MAP3K5: variants seen among roughly 807,000 people sequenced by gnomAD.
MAP3K5 encodes the protein ASK-1.
Under a neutral mutation model 158.7 loss-of-function variants are expected in MAP3K5, and 56 were observed. The observed-to-expected ratio is 0.35, with a 90% CI of 0.28 to 0.44. The LOEUF is 0.44. Ranked by LOEUF, MAP3K5 falls within the 20% of genes least tolerant of loss-of-function variation. The probability of loss-of-function intolerance (pLI) is 1.00; values close to 1 mark genes in which losing one functional copy is unlikely to be tolerated. For missense variants in MAP3K5, 1,294 were observed against 1,674.8 expected (o/e 0.77, Z 3.97); for synonymous variants, 579 against 601.7 (o/e 0.96, Z 0.55).
intron 1 of MAP3K5, among the ~76,000 whole-genome samples, chr6:136,784,563 T>C (rs1188211328): frequency 1.3e-5 from 2 of 152,086 alleles, no homozygotes; most frequent in African/African-American, 4.8e-5. Flanking sequence ...AGTTTTCCCT[T>C]ATGAGTTTAT....
intron 7 of MAP3K5, among the ~76,000 whole-genome samples, chr6:136,675,848 T>A (rs1316526316): frequency 6.6e-6 from 1 of 152,110 alleles, no homozygotes; most frequent in Non-Finnish European, 1.5e-5. Context: ...ATAAAGTTGA[T>A]AAACTCCTAG....
At chr6:136,632,730 G>A (rs1777432926) in intron 14 of MAP3K5, among the ~76,000 whole-genome samples, 1 of 152,030 alleles carries the variant, frequency 6.6e-6, no homozygotes, top group Admixed American at 6.6e-5. Flanking sequence ...GGTTTGGGAG[G>A]GGTTTCTCAG....
chr6:136,613,203 G>T lies in MAP3K5; in HGVS notation c.2332C>A (p.Gln778Lys). Residue 778 changes from glutamine (Q) to lysine (K), a missense_variant, in exon 17 of 30, where the codon CAA (glutamine) becomes AAA (lysine). Coordinates refer to ENST00000359015, the MANE Select transcript of MAP3K5 (RefSeq NM_005923.4). This position sits in a 1 kb window ranked among gnomAD's most constrained non-coding sequence, Gnocchi z 4.0. Reference protein sequence around the residue: ...SKWGPLKDNEQTIGFYTKQIL... With the variant: ...SKWGPLKDNEKTIGFYTKQIL... ...TGCTTTGTATAAAAGCCAATTGTTT[G>T]CTCATTGTCTTTTAATGGACCCCAT... 1.9e-6 allele frequency: 3 copies of T among 1,613,010 alleles called. No individual in the cohort carries two copies. In the South Asian group the frequency reaches 3.3e-5, roughly 18 times the overall value.
intron 1 of MAP3K5, among the ~76,000 whole-genome samples, chr6:136,789,639 C>T (rs1396666892): frequency 6.6e-6 from 1 of 150,972 alleles, no homozygotes; most frequent in Non-Finnish European, 1.5e-5. Context: ...TAACTCAGCC[C>T]ACCTAAATGG....
intron 23 of MAP3K5, among the ~76,000 whole-genome samples, chr6:136,586,874 G>A (rs996221910): frequency 1.3e-5 from 2 of 152,160 alleles, no homozygotes; most frequent in Admixed American, 1.3e-4. Context: ...TCTTTCTCTT[G>A]TGCTAGATGC....
At chr6:136,591,301 G>A (rs917590101) in intron 23 of MAP3K5, among the ~76,000 whole-genome samples, 12 of 152,218 alleles carry the variant, frequency 7.9e-5, no homozygotes, top group African/African-American at 2.7e-4. Flanking sequence ...GTTCATTTGT[G>A]TGTCTACGTG....
chr6:136,698,526 A>G lies in MAP3K5; in HGVS notation c.769T>C (p.Phe257Leu), dbSNP rs1354739176. ...TGTGCCACCTTCAAAAGTTGAATAA[A>G]ACGATCCACAAGAGGTAAGCAGATG... The part of the protein sequence containing the change: ...GPICLPLVDR[F>L]IQLLKVAQAS... The change falls in exon 4 of 30, where the codon TTT becomes CTT. Residue 257 changes from phenylalanine (F) to leucine (L), a missense_variant. Physicochemically the swap from Phe to Leu is conservative, Grantham distance 22 (BLOSUM62 0). Coordinates refer to ENST00000359015, the MANE Select transcript of MAP3K5 (RefSeq NM_005923.4). 1 of 1,614,030 alleles carries G rather than the reference A, an allele frequency of 6.2e-7. No individual in the cohort carries two copies. Among genetic ancestry groups the G allele is most frequent in the South Asian group, 1.1e-5 (1 of 91,078 alleles).
chr6:136,656,242 C>T (rs1211954071), intron 10 of MAP3K5, 65 bp downstream of exon 10: 11 of 1,466,322 alleles, frequency 7.5e-6, no homozygotes, highest in South Asian at 1.1e-5. Flanking sequence ...AGCACTGATA[C>T]AATCACAGTA....
chr6:136,736,197 G>C (rs1228380959), intron 1 of MAP3K5, among the ~76,000 whole-genome samples: 4 of 152,010 alleles, frequency 2.6e-5, no homozygotes, highest in Admixed American at 2.0e-4. Context: ...TGAGCGCCTG[G>C]GAGCTCCACA....
At chr6:136,773,299 C>T (rs1784284169) in intron 1 of MAP3K5, among the ~76,000 whole-genome samples, 1 of 152,186 alleles carries the variant, frequency 6.6e-6, no homozygotes, top group Non-Finnish European at 1.5e-5. Flanking sequence ...CTTCTCTCTG[C>T]TTTCCTCGTG....
At chr6:136,710,756 G>A (rs1021664599) in intron 2 of MAP3K5, among the ~76,000 whole-genome samples, 23 of 152,156 alleles carry the variant, frequency 1.5e-4, no homozygotes, top group Admixed American at 1.0e-3. Flanking sequence ...AGAAGAGAAA[G>A]GAGCAGGCTT....
chr6:136,642,569 T>C lies in MAP3K5; in HGVS notation c.1789A>G (p.Lys597Glu), dbSNP rs767090522. 1.9e-6 allele frequency: 3 copies of C among 1,600,470 alleles called. No individual in the cohort carries two copies. Among genetic ancestry groups the C allele is most frequent in the South Asian group, 2.2e-5 (2 of 90,206 alleles). Residue 597 changes from lysine to glutamate, a missense_variant and splice_region_variant, in exon 12 of 30, where the codon AAA becomes GAA. By Grantham distance (56) the Lys-to-Glu change is moderately conservative. Around this residue, in one of 5 missense-constraint regions of MAP3K5, gnomAD observed 690 missense variants for 870.5 expected, o/e 0.79. Transcript: ENST00000359015. Reference sequence around the variant, plus strand: ...CTAAAATTCCACTCATGTATACCTTTCTAGAACAACAACAAGAAAATATAC... The same window carrying C: ...CTAAAATTCCACTCATGTATACCTTCCTAGAACAACAACAAGAAAATATAC... ...SIWHVLPDDKKGIHEWNFSAS... is the reference protein window; with the variant it reads ...SIWHVLPDDKEGIHEWNFSAS...
chr6:136,759,454 C>CTATATATATATACATATA (rs1554314851), intron 1 of MAP3K5, among the ~76,000 whole-genome samples: 3 of 98,126 alleles, frequency 3.1e-5, no homozygotes, highest in East Asian at 6.4e-4. Context: ...TATACTAAAA[C>CTATATATATATACATATA]TATATATATA....
intron 2 of MAP3K5, among the ~76,000 whole-genome samples, chr6:136,707,210 A>C (rs529503419): frequency 6.6e-6 from 1 of 152,384 alleles, no homozygotes; most frequent in African/African-American, 2.4e-5. Context: ...GCTGATAGAA[A>C]AGGGACATGT....
intron 10 of MAP3K5, among the ~76,000 whole-genome samples, chr6:136,652,309 C>T (rs775152047): frequency 1.3e-4 from 20 of 152,030 alleles, no homozygotes; most frequent in Non-Finnish European, 2.5e-4. Flanking sequence ...ATATTAAAAA[C>T]GTTAAGGGCT....
chr6:136,782,606 T>C (rs1373106400), intron 1 of MAP3K5, among the ~76,000 whole-genome samples: 1 of 152,246 alleles, frequency 6.6e-6, no homozygotes, highest in Non-Finnish European at 1.5e-5. Context: ...ATTGCTTTCC[T>C]CATTGTTGAT....
intron 7 of MAP3K5, among the ~76,000 whole-genome samples, chr6:136,677,643 A>C (rs1457324196): frequency 1.3e-5 from 2 of 152,228 alleles, no homozygotes; most frequent in Non-Finnish European, 2.9e-5. Flanking sequence ...GGAAATGGCC[A>C]AGGAAAAAGT....
At chr6:136,664,803 C>T (rs1779157126) in intron 8 of MAP3K5, among the ~76,000 whole-genome samples, 1 of 152,182 alleles carries the variant, frequency 6.6e-6, no homozygotes, top group Non-Finnish European at 1.5e-5. Flanking sequence ...TGGTGGCACG[C>T]ACCTGTAATC....
In MAP3K5 at chr6:136,583,617, G is replaced by A. The variant is rs1226804097; in HGVS notation, c.3349C>T (p.Leu1117=). The change falls in exon 24 of 30, where the codon CTG becomes TTG. Residue 1117 remains leucine, a synonymous_variant. Transcript: ENST00000359015. The part of the protein sequence containing the change: ...ATTLSKLKLE[L]DFDSHGISQV... ...CTAATGCCATGGCTGTCGAAGTCCA[G>A]CTCCAGTTTCAGCTTTGACAGTGTG... 11 of 1,614,110 alleles carry A rather than the reference G, an allele frequency of 6.8e-6. No individual in the cohort carries two copies. The highest frequency in any genetic ancestry group is 8.5e-6 in the Non-Finnish European group (10 of 1,180,046).
Sources: gnomAD v4.1 joint callset for allele counts (sites outside exome capture counted in the v4.1 genomes callset) on GRCh38, gnomAD v4.1.1 for gene constraint, gnomAD v4.1.1 regional missense constraint, Gnocchi (gnomAD v3.1) non-coding constraint, MANE v1.5 for transcripts, NCBI Gene and HGNC (gene_info 2026-07-23, HGNC 2026-07-21) for gene names.